Variants in TNS1 observed in about 807,000 individuals in gnomAD.
TNS1 encodes tensin 1, also known as tensin-1.
Under a neutral mutation model 168.6 loss-of-function variants are expected in TNS1, and 62 were observed. The ratio of observed to expected loss-of-function variants is 0.37; its 90% CI spans 0.30 to 0.45. TNS1 has a LOEUF of 0.45. Ranked by LOEUF, TNS1 falls within the 20% of genes least tolerant of loss-of-function variation. The probability of loss-of-function intolerance (pLI) is 1.00; values close to 1 mark genes in which losing one functional copy is unlikely to be tolerated. For synonymous variants in TNS1, 934 were observed against 933.2 expected, an observed-to-expected ratio of 1.00 and a Z score of -0.02; for missense variants, 2,240 against 2,339.4, an observed-to-expected ratio of 0.96 and a Z score of 0.88.
At chr2:217,918,924 G>T (rs996085717) in intron 4 of TNS1, among the ~76,000 whole-genome samples, 1 of 152,318 alleles carries the variant, frequency 6.6e-6, no homozygotes, top group African/African-American at 2.4e-5. Flanking sequence ...GGGCTGGGCA[G>T]CACTGAGGCC....
intron 18 of TNS1, 41 bp from the exon 19 acceptor site, chr2:217,849,128 A>C: frequency 6.3e-7 from 1 of 1,575,504 alleles, no homozygotes; most frequent in Non-Finnish European, 8.6e-7. Context: ...CAGACAACAG[A>C]CATTAGCGGG....
chr2:217,990,585 C>T (rs1958340140), intron 2 of TNS1, among the ~76,000 whole-genome samples: 3 of 152,328 alleles, frequency 2.0e-5, no homozygotes, highest in South Asian at 2.1e-4. Context: ...TCCACACACC[C>T]TCAACAAAAC....
At chr2:217,904,177 C>T (rs1230290521) in intron 6 of TNS1, among the ~76,000 whole-genome samples, 1 of 152,208 alleles carries the variant, frequency 6.6e-6, no homozygotes, top group Non-Finnish European at 1.5e-5. Flanking sequence ...CACCCCTTCC[C>T]CTCTCCTTCC....
At chr2:217,960,665 C>T (rs145858852) in intron 3 of TNS1, among the ~76,000 whole-genome samples, 211 of 152,298 alleles carry the variant, frequency 1.4e-3, no homozygotes, top group African/African-American at 4.1e-3. Flanking sequence ...AGCCTTTCCC[C>T]GCCCAACACA....
chr2:217,996,682 GC>G (rs1958475896), intron 1 of TNS1, among the ~76,000 whole-genome samples: 1 of 151,350 alleles, frequency 6.6e-6, no homozygotes, highest in African/African-American at 2.4e-5. Flanking sequence ...TAATCCTACT[GC>G]CTCTGCCCTA....
chr2:217,920,064 C>T (rs779543499), intron 4 of TNS1, 131 bp downstream of exon 4: 10 of 679,024 alleles, frequency 1.5e-5, no homozygotes, highest in Middle Eastern at 2.4e-4. Context: ...CCAGGGAGGT[C>T]GACCCTCCTC....
At chr2:217,816,381 A>T (rs1941888195) in intron 24 of TNS1, among the ~76,000 whole-genome samples, 1 of 152,160 alleles carries the variant, frequency 6.6e-6, no homozygotes, top group African/African-American at 2.4e-5. Context: ...AGGAGACACA[A>T]GTTGTGTCTC....
chr2:217,907,339 C>T, intron 4 of TNS1, 88 bp from the exon 5 acceptor site: 1 of 690,764 alleles, frequency 1.4e-6, no homozygotes, highest in South Asian at 1.5e-5. Flanking sequence ...CCCTGATGGG[C>T]AGAATGCCCC....
At chr2:217,908,380 T>C (rs1361175478) in intron 4 of TNS1, among the ~76,000 whole-genome samples, 3 of 152,146 alleles carry the variant, frequency 2.0e-5, no homozygotes, top group Admixed American at 2.0e-4. Context: ...GAAGTGGTTA[T>C]GGGGCCCTCA....
intron 18 of TNS1, among the ~76,000 whole-genome samples, chr2:217,870,899 T>C (rs1949716060): frequency 6.6e-6 from 1 of 152,224 alleles, no homozygotes; most frequent in African/African-American, 2.4e-5. Flanking sequence ...ACTGGGTCAG[T>C]GGTGTCATCT....
At chr2:217,823,080 G>T (rs1226061699) in intron 22 of TNS1, among the ~76,000 whole-genome samples, 1 of 152,228 alleles carries the variant, frequency 6.6e-6, no homozygotes, top group Non-Finnish European at 1.5e-5. Flanking sequence ...TGCAGCCCCT[G>T]CTGGCCAAGA....
At chr2:217,892,911 G>A (rs373391673) in intron 11 of TNS1, 37 bp downstream of exon 11, 107 of 1,608,778 alleles carry the variant, frequency 6.7e-5, no homozygotes, top group East Asian at 2.2e-4. Context: ...TCACACTGTC[G>A]ATGTTCAGAG....
intron 3 of TNS1, among the ~76,000 whole-genome samples, chr2:217,938,443 C>G (rs1408802736): frequency 6.6e-6 from 1 of 152,226 alleles, no homozygotes; most frequent in African/African-American, 2.4e-5. Flanking sequence ...ATATGGCATG[C>G]AGGAAGAGTG....
At chr2:218,000,562 A>G (rs1209533306) in intron 1 of TNS1, among the ~76,000 whole-genome samples, 1 of 152,150 alleles carries the variant, frequency 6.6e-6, no homozygotes, top group Non-Finnish European at 1.5e-5. Context: ...TTTGATATCT[A>G]TTGTCTCTTT....
At position 217,801,566 on chromosome 2, in the gene TNS1, T is replaced by C. The variant is rs542580941; in HGVS notation, c.*2893A>G. The C allele has an allele frequency of 6.6e-6, 1 of 152,262 alleles. No homozygotes were observed. The highest frequency in any genetic ancestry group is 2.1e-4 in the South Asian group (1 of 4,818). 9.4% of individuals were successfully genotyped at this position (152,262 alleles called of 1,614,324 possible). On this transcript the variant is annotated 3_prime_UTR_variant, in exon 33 of 33. Coordinates refer to ENST00000682258, the MANE Select transcript of TNS1 (RefSeq NM_001387777.1). ...CCTGGCTGACACACAGATTCAACAA[T>C]AAACAACAGTAAAATAGATTCAGGG... is the stretch of plus-strand genomic sequence containing the variant.
intron 3 of TNS1, among the ~76,000 whole-genome samples, chr2:217,933,012 G>C (rs1956404941): frequency 2.0e-5 from 3 of 152,194 alleles, no homozygotes; most frequent in Admixed American, 6.5e-5. Context: ...GCTCTCTGTT[G>C]CTCCTTGAAA....
chr2:217,933,225 C>G (rs972153887), intron 3 of TNS1, among the ~76,000 whole-genome samples: 16 of 152,136 alleles, frequency 1.1e-4, no homozygotes, highest in African/African-American at 3.9e-4. Context: ...GAAACCAGGT[C>G]TGGAGGGGAA....
intron 3 of TNS1, among the ~76,000 whole-genome samples, chr2:217,971,178 G>A (rs991922915): frequency 2.0e-5 from 3 of 152,298 alleles, no homozygotes; most frequent in Admixed American, 2.0e-4. Context: ...CCACAATCCA[G>A]ATAGAGAACA....
Position 217,875,024 on chromosome 2 carries a change from A to G in TNS1, c.1429+5874T>C, listed in dbSNP as rs138284621. Among the ~76,000 whole-genome samples the G allele has an allele frequency of 4.6e-5, 7 of 152,302 alleles. No homozygotes were observed. In the East Asian group the frequency reaches 1.3e-3, roughly 29 times the overall value. On this transcript the variant is annotated intron_variant, in intron 18 of 32. Coordinates refer to ENST00000682258, the MANE Select transcript of TNS1 (RefSeq NM_001387777.1). ...TTCCTTGCCCCCTTTGAAGCTAGGC[A>G]TGGGTGTTTGGCTTGTTTTGGCCAA... is the stretch of plus-strand genomic sequence containing the variant.
Sources: allele counts gnomAD v4.1 joint callset (sites outside exome capture counted in the v4.1 genomes callset), GRCh38; gene constraint gnomAD v4.1.1; transcripts MANE v1.5; gene names NCBI Gene and HGNC (gene_info 2026-07-23, HGNC 2026-07-21).